The following AKAP6 variants were observed in gnomAD, a reference collection of about 807,000 sequenced individuals.
AKAP6 encodes A-kinase anchor protein 6.
AKAP6 carries 58 observed loss-of-function variants against 188.5 expected under a neutral mutation model. The ratio of observed to expected loss-of-function variants is 0.31; its 90% CI spans 0.25 to 0.38. The LOEUF is 0.38. Among genes scored for constraint, AKAP6 ranks in the 10% least tolerant of loss-of-function variants. AKAP6 has a pLI of 1.00. For synonymous variants in AKAP6, 989 were observed against 998.6 expected, an observed-to-expected ratio of 0.99 and a Z score of 0.18; for missense variants, 2,710 against 2,740.0, an observed-to-expected ratio of 0.99 and a Z score of 0.24.
At chr14:32,520,807 C>A (rs1330540057) in intron 2 of AKAP6, among the ~76,000 whole-genome samples, 2 of 152,100 alleles carry the variant, frequency 1.3e-5, no homozygotes, top group African/African-American at 2.4e-5. Context: ...CTATTCCAAT[C>A]AATAGAAAAA....
At chr14:32,371,203 T>G (rs972618238) in intron 1 of AKAP6, among the ~76,000 whole-genome samples, 29 of 152,178 alleles carry the variant, frequency 1.9e-4, no homozygotes, top group African/African-American at 7.0e-4. Flanking sequence ...ATACATGCAT[T>G]TTATAGAGCT....
chr14:32,705,020 G>T (rs1174936555), intron 9 of AKAP6, among the ~76,000 whole-genome samples: 1 of 152,136 alleles, frequency 6.6e-6, no homozygotes, highest in Non-Finnish European at 1.5e-5. Context: ...ATGGTAAGGC[G>T]CAAGGGAAAA....
chr14:32,612,550 T>C (rs1305908029), intron 7 of AKAP6, among the ~76,000 whole-genome samples: 6 of 152,084 alleles, frequency 3.9e-5, no homozygotes, highest in Non-Finnish European at 8.8e-5. Context: ...CACTTGTTAT[T>C]TTTTTTGTAA....
intron 9 of AKAP6, among the ~76,000 whole-genome samples, 167 bp from the exon 10 acceptor site, chr14:32,732,282 ATATAT>A: frequency 6.6e-6 from 1 of 151,740 alleles, no homozygotes; most frequent in South Asian, 2.1e-4. Flanking sequence ...TGTGTATATA[ATATAT>A]TCAGCAATAT....
In AKAP6 at chr14:32,628,944, A is replaced by G. The variant is rs536560411; in HGVS notation, c.2730+28152A>G. Among the ~76,000 whole-genome samples, 3 of 152,248 alleles carry G rather than the reference A, an allele frequency of 2.0e-5. No homozygotes were observed. The East Asian group carries it at 5.8e-4, about 30-fold the overall frequency. On this transcript the variant is annotated intron_variant, in intron 7 of 13. Transcript: ENST00000280979. Reference sequence around the variant, plus strand: ...GCCAGAACTTTACCATTCGTGATTTATAAATAAGCTGTTTTCTAAATAAAA... The same window carrying G: ...GCCAGAACTTTACCATTCGTGATTTGTAAATAAGCTGTTTTCTAAATAAAA...
intron 2 of AKAP6, among the ~76,000 whole-genome samples, chr14:32,482,706 T>C (rs971938279): frequency 6.6e-6 from 1 of 152,182 alleles, no homozygotes; most frequent in African/African-American, 2.4e-5. Flanking sequence ...TTAATGGAAA[T>C]ATATCTTCTA....
At position 32,823,015 on chromosome 14, in the gene AKAP6, C is replaced by T. The variant is rs1167795091; in HGVS notation, c.5202C>T (p.Val1734=). 16 of 1,613,852 alleles carry T rather than the reference C, an allele frequency of 9.9e-6. No individual in the cohort carries two copies. Among genetic ancestry groups the T allele is most frequent in the Non-Finnish European group, 1.3e-5 (15 of 1,179,892 alleles). ...RSVADESDVN[V]SMIVNVSCTS... ...TGGCTGATGAAAGCGATGTCAATGT[C>T]AGCATGATTGTTAATGTCTCTTGCA... The change falls in exon 13 of 14, where the codon GTC becomes GTT. Residue 1734 remains valine (V), a synonymous_variant. Coordinates refer to ENST00000280979, the MANE Select transcript of AKAP6 (RefSeq NM_004274.5).
chr14:32,755,222 G>C (rs1478512928), intron 11 of AKAP6, among the ~76,000 whole-genome samples: 1 of 151,652 alleles, frequency 6.6e-6, no homozygotes, highest in East Asian at 1.9e-4. Flanking sequence ...CTACTTACTA[G>C]GTAATCTCAA....
At chr14:32,794,852 A>G (rs2033716843) in intron 12 of AKAP6, among the ~76,000 whole-genome samples, 2 of 152,112 alleles carry the variant, frequency 1.3e-5, no homozygotes, top group African/African-American at 4.8e-5. Flanking sequence ...AGTGAATCCA[A>G]GAGCTATTTT....
chr14:32,543,630 A>G (rs1170277628), intron 3 of AKAP6, among the ~76,000 whole-genome samples: 4 of 152,176 alleles, frequency 2.6e-5, no homozygotes, highest in African/African-American at 9.7e-5. Context: ...CTTAACAACA[A>G]CAGGATGCTT....
intron 11 of AKAP6, among the ~76,000 whole-genome samples, chr14:32,764,115 A>G (rs530255208): frequency 7.2e-5 from 11 of 152,204 alleles, no homozygotes; most frequent in African/African-American, 2.6e-4. Context: ...TCTCTTCTTT[A>G]TTATTTATAT....
At chr14:32,563,119 T>C (rs1884026787) in intron 4 of AKAP6, among the ~76,000 whole-genome samples, 1 of 152,040 alleles carries the variant, frequency 6.6e-6, no homozygotes, top group African/African-American at 2.4e-5. Flanking sequence ...AACTCCACAG[T>C]AAAGGAAAAG....
chr14:32,555,493 T>C (rs1480732720), intron 4 of AKAP6, among the ~76,000 whole-genome samples: 3 of 152,240 alleles, frequency 2.0e-5, no homozygotes, highest in Non-Finnish European at 2.9e-5. Flanking sequence ...TTAACCATTT[T>C]TTAAGTGCAC....
chr14:32,678,693 C>T (rs189248094), intron 8 of AKAP6, among the ~76,000 whole-genome samples: 3 of 152,178 alleles, frequency 2.0e-5, no homozygotes, highest in East Asian at 1.9e-4. Flanking sequence ...TAAAATACAG[C>T]GTTGTGATTT....
At position 32,545,297 on chromosome 14, in the gene AKAP6, A is replaced by T. The variant is rs1248123600; in HGVS notation, c.644A>T (p.Tyr215Phe). The part of the protein sequence containing the change: ...GQLTIKCSQN[Y>F]LSLDCGITAF... Reference sequence around the variant, plus strand: ...TTAACCATCAAATGTTCTCAAAATTACTTGTCTCTGGATTGTGGCATTACT... The same window carrying T: ...TTAACCATCAAATGTTCTCAAAATTTCTTGTCTCTGGATTGTGGCATTACT... The change falls in exon 4 of 14, where the codon TAC (tyrosine) becomes TTC (phenylalanine). Residue 215 changes from tyrosine (Y) to phenylalanine (F), a missense_variant. This residue lies in a region of AKAP6 where 237 missense variants were observed against 313.9 expected (regional missense o/e 0.76). Coordinates refer to ENST00000280979, the MANE Select transcript of AKAP6 (RefSeq NM_004274.5). 6.2e-7 allele frequency: 1 copy of T among 1,614,154 alleles called. No individual in the cohort carries two copies. The highest frequency in any genetic ancestry group is 1.7e-5 in the Admixed American group (1 of 60,020).
At chr14:32,421,190 A>G (rs778174039) in intron 1 of AKAP6, among the ~76,000 whole-genome samples, 1 of 151,926 alleles carries the variant, frequency 6.6e-6, no homozygotes, top group Non-Finnish European at 1.5e-5. Context: ...GTGTGTGTCT[A>G]TTTTTAGTGC....
chr14:32,555,187 A>C (rs1472501539), intron 4 of AKAP6, among the ~76,000 whole-genome samples: 1 of 152,188 alleles, frequency 6.6e-6, no homozygotes, highest in Admixed American at 6.5e-5. Context: ...AGACTGTAAA[A>C]TTGCAATCAA....
At chr14:32,422,981 A>G (rs1418883104) in intron 1 of AKAP6, among the ~76,000 whole-genome samples, 1 of 152,112 alleles carries the variant, frequency 6.6e-6, no homozygotes, top group Non-Finnish European at 1.5e-5. Flanking sequence ...TGGTTAAGTC[A>G]TTTATCATTT....
intron 7 of AKAP6, among the ~76,000 whole-genome samples, chr14:32,642,098 A>G (rs1887784012): frequency 6.6e-6 from 1 of 152,222 alleles, no homozygotes; most frequent in African/African-American, 2.4e-5. Flanking sequence ...GTAATCTAAT[A>G]ACTAGCATAT....
Sources: gnomAD v4.1 joint callset for allele counts (sites outside exome capture counted in the v4.1 genomes callset) on GRCh38, gnomAD v4.1.1 for gene constraint, gnomAD v4.1.1 regional missense constraint, MANE v1.5 for transcripts, NCBI Gene and HGNC (gene_info 2026-07-23, HGNC 2026-07-21) for gene names.